SLC35D4: variants seen among roughly 807,000 people sequenced by gnomAD.
SLC35D4 encodes solute carrier family 35 member D4, also known as UDP-N-acetylglucosamine transporter SLC35D4.
At chr18:23,311,998 C>T in the SLC35D4 span, among the ~76,000 whole-genome samples, 21 of 152,304 alleles carry the variant, frequency 1.4e-4, no homozygotes, top group East Asian at 1.5e-3. Context: ...CTGGCAGCTC[C>T]GCATAATGGA....
chr18:23,422,254 T>G, the SLC35D4 span, among the ~76,000 whole-genome samples: 29 of 152,080 alleles, frequency 1.9e-4, no homozygotes, highest in Non-Finnish European at 3.5e-4. Context: ...TTGTGCCCAA[T>G]AGATACCGTT....
the SLC35D4 span, among the ~76,000 whole-genome samples, chr18:23,417,843 G>A: frequency 6.6e-6 from 1 of 152,164 alleles, no homozygotes; most frequent in African/African-American, 2.4e-5. Context: ...CAGCAAGGAA[G>A]ACTCATGTTG....
the SLC35D4 span, among the ~76,000 whole-genome samples, chr18:23,285,227 G>A: frequency 6.3e-4 from 95 of 151,994 alleles, 1 homozygote; most frequent in African/African-American, 2.1e-3. Flanking sequence ...TTTTCTGGAG[G>A]GTAAGAACCC....
the SLC35D4 span, among the ~76,000 whole-genome samples, chr18:23,265,874 T>TA: frequency 2.0e-5 from 3 of 152,338 alleles, no homozygotes; most frequent in South Asian, 6.2e-4. Context: ...GAGGCTTATC[T>TA]AGAAGGCCCT....
At chr18:23,335,891 GA>G in the SLC35D4 span, among the ~76,000 whole-genome samples, 1 of 152,112 alleles carries the variant, frequency 6.6e-6, no homozygotes, top group Non-Finnish European at 1.5e-5. Context: ...TTAGAGTCAG[GA>G]AGTTTACAGA....
At chr18:23,408,082 A>G in the SLC35D4 span, among the ~76,000 whole-genome samples, 1 of 151,994 alleles carries the variant, frequency 6.6e-6, no homozygotes, top group Non-Finnish European at 1.5e-5. Context: ...TCTGCCTAAA[A>G]GTTATTTTAT....
At chr18:23,247,623 C>T in the SLC35D4 span, among the ~76,000 whole-genome samples, 101,311 of 152,168 alleles carry the variant, frequency 0.67, 33,967 homozygotes, top group South Asian at 0.71. Flanking sequence ...AACGGAGGCA[C>T]AGAGCTCCTA....
At chr18:23,323,420 C>T in the SLC35D4 span, among the ~76,000 whole-genome samples, 6 of 152,320 alleles carry the variant, frequency 3.9e-5, no homozygotes, top group East Asian at 1.2e-3. Flanking sequence ...CTGCTTTTCA[C>T]CTGCCTCCTT....
chr18:23,295,845 G>GGCCT, the SLC35D4 span, among the ~76,000 whole-genome samples: 1 of 152,156 alleles, frequency 6.6e-6, no homozygotes, highest in Non-Finnish European at 1.5e-5. Flanking sequence ...AACACTACAG[G>GGCCT]GCCTGGCTCC....
chr18:23,300,905 A>G, the SLC35D4 span, among the ~76,000 whole-genome samples: 1 of 152,258 alleles, frequency 6.6e-6, no homozygotes, highest in Non-Finnish European at 1.5e-5. Context: ...CGAAGCCTCC[A>G]TCTAAATTTT....
chr18:23,294,641 C>T, the SLC35D4 span, among the ~76,000 whole-genome samples: 479 of 152,142 alleles, frequency 3.1e-3, 1 homozygote, highest in Middle Eastern at 6.8e-3. Flanking sequence ...TGCCTGTAGT[C>T]CCAGGCACTT....
chr18:23,437,444 T>C, the SLC35D4 span, among the ~76,000 whole-genome samples: 2 of 152,048 alleles, frequency 1.3e-5, no homozygotes, highest in Non-Finnish European at 2.9e-5. Flanking sequence ...AGATTTCTTC[T>C]GACTCTTCCT....
the SLC35D4 span, among the ~76,000 whole-genome samples, chr18:23,394,870 C>T: frequency 6.7e-6 from 1 of 150,084 alleles, no homozygotes; most frequent in Non-Finnish European, 1.5e-5. Flanking sequence ...GTAACCCCAG[C>T]TAGTCGGGAG....
chr18:23,240,721 G>GC, the SLC35D4 span, among the ~76,000 whole-genome samples: 4 of 152,168 alleles, frequency 2.6e-5, no homozygotes, highest in Non-Finnish European at 5.9e-5. Context: ...TCTTCCTCGG[G>GC]CCCCCAGGGC....
chr18:23,328,419 CAGAG>C, the SLC35D4 span, among the ~76,000 whole-genome samples: 2 of 152,094 alleles, frequency 1.3e-5, no homozygotes, highest in Non-Finnish European at 1.5e-5. Flanking sequence ...AATAGATAAA[CAGAG>C]AGCCAAATCA....
At chr18:23,297,689 G>A in the SLC35D4 span, 1 of 320,618 alleles carries the variant, frequency 3.1e-6, no homozygotes, top group Non-Finnish European at 6.0e-6. Flanking sequence ...ATGAAATCCT[G>A]TACTTCCTGT....
chr18:23,246,248 A>G, the SLC35D4 span, among the ~76,000 whole-genome samples: 2 of 149,236 alleles, frequency 1.3e-5, no homozygotes, highest in African/African-American at 2.5e-5. Context: ...CCTAGGTGAC[A>G]GAGTGAGACT....
chr18:23,317,802 C>A, the SLC35D4 span, among the ~76,000 whole-genome samples: 2 of 151,850 alleles, frequency 1.3e-5, no homozygotes, highest in Non-Finnish European at 2.9e-5. Flanking sequence ...GTGCAGTGGC[C>A]AATGTCTGCT....
At chr18:23,249,576 T>G in the SLC35D4 span, among the ~76,000 whole-genome samples, 1 of 152,210 alleles carries the variant, frequency 6.6e-6, no homozygotes. Flanking sequence ...GTGCTCCTGA[T>G]GAAATTTTTC....
Sources: allele counts gnomAD v4.1 joint callset (sites outside exome capture counted in the v4.1 genomes callset), GRCh38; gene constraint gnomAD v4.1.1; transcripts MANE v1.5; gene names NCBI Gene and HGNC (gene_info 2026-07-23, HGNC 2026-07-21).